The following ADAMTS7 variants were observed in gnomAD, a reference collection of about 807,000 sequenced individuals.
ADAMTS7 encodes A disintegrin and metalloproteinase with thrombospondin motifs 7.
A neutral mutation model predicts 172.6 loss-of-function variants in ADAMTS7; 89 were observed. The ratio of observed to expected loss-of-function variants is 0.52; its 90% CI spans 0.43 to 0.61. The LOEUF (loss-of-function observed/expected upper bound fraction) is 0.61. ADAMTS7 is among the 20% of genes least tolerant of loss of function. ADAMTS7 has a pLI of 0.00. For missense variants in ADAMTS7, 1,973 were observed against 2,355.6 expected, an observed-to-expected ratio of 0.84 and a Z score of 3.36; for synonymous variants, 885 against 978.4, an observed-to-expected ratio of 0.90 and a Z score of 1.78.
Position 78,767,185 on chromosome 15 carries a change from C to G in ADAMTS7, c.2860-134G>C, listed in dbSNP as rs997471501. On this transcript the variant is annotated intron_variant, in intron 18 of 23. Coordinates refer to ENST00000388820, the MANE Select transcript of ADAMTS7 (RefSeq NM_014272.5). The stretch of plus-strand genomic sequence containing the variant: ...CCCCAGCCAGCCCTCTCTGGCCCTT[C>G]CCAGCTCAAGGCCATGACTGTGGCC... 5.2e-6 allele frequency: 6 copies of G among 1,154,290 alleles called. No individual in the cohort carries two copies. In the Admixed American group the frequency reaches 1.3e-4, roughly 26 times the overall value. 71.5% of individuals were successfully genotyped at this position (1,154,290 alleles called of 1,614,324 possible).
chr15:78,760,221 C>T (rs1248146788), intron 23 of ADAMTS7, among the ~76,000 whole-genome samples: 1 of 152,206 alleles, frequency 6.6e-6, no homozygotes, highest in Non-Finnish European at 1.5e-5. Flanking sequence ...AGGCCAGCTG[C>T]AGGCTGTGCT....
In ADAMTS7 at chr15:78,759,545, C is replaced by T; in HGVS notation, c.4937G>A (p.Cys1646Tyr). ...CERDRLSFGFCETLRLLGRCQ... is the reference protein window; with the variant it reads ...CERDRLSFGFYETLRLLGRCQ... Reference sequence around the variant, plus strand: ...GCGGCCCAGTAGGCGCAGCGTCTCGCAGAACCCGAAGGACAGGCGGTCCCG... The same window carrying T: ...GCGGCCCAGTAGGCGCAGCGTCTCGTAGAACCCGAAGGACAGGCGGTCCCG... Residue 1646 changes from cysteine to tyrosine, a missense_variant, in exon 24 of 24, where the codon TGC becomes TAC. Physicochemically the swap from Cys to Tyr is radical, Grantham distance 194 (BLOSUM62 -2). This residue lies in a region of ADAMTS7 where 94 missense variants were observed against 95.4 expected (regional missense o/e 0.99). Transcript: ENST00000388820. 6.3e-7 allele frequency: 1 copy of T among 1,594,922 alleles called. No individual in the cohort carries two copies. Among genetic ancestry groups the T allele is most frequent in the Non-Finnish European group, 8.5e-7 (1 of 1,176,210 alleles).
chr15:78,774,402 C>T lies in ADAMTS7; in HGVS notation c.1877-102G>A, dbSNP rs563578765. ...ACACACATCCATGGCAGGCTGGAGGCTCCCAAGCAGCACCAACATGCTGGA... is the reference window on the plus strand; with the variant it reads ...ACACACATCCATGGCAGGCTGGAGGTTCCCAAGCAGCACCAACATGCTGGA... On this transcript the variant is annotated intron_variant, in intron 12 of 23. Coordinates refer to ENST00000388820, the MANE Select transcript of ADAMTS7 (RefSeq NM_014272.5). 257 of 1,438,234 alleles carry T rather than the reference C, an allele frequency of 1.8e-4. No homozygotes were observed. In the African/African-American group the frequency reaches 3.3e-3, roughly 19 times the overall value. The allele number at this position is 1,438,234 out of a possible 1,614,324, so 89.1% of individuals were successfully genotyped here.
chr15:78,773,173 C>T lies in ADAMTS7; in HGVS notation c.2041G>A (p.Gly681Ser), dbSNP rs778220839. 4.8e-5 allele frequency: 72 copies of T among 1,494,352 alleles called. No individual in the cohort carries two copies. The highest frequency in any genetic ancestry group is 1.9e-4 in the Middle Eastern group (1 of 5,394). The allele number at this position is 1,494,352 out of a possible 1,614,324, so 92.6% of individuals were successfully genotyped here. The change falls in exon 14 of 24, where the codon GGT becomes AGT. Residue 681 changes from glycine to serine, a missense_variant. By Grantham distance (56) the Gly-to-Ser change is moderately conservative. This residue lies in a region of ADAMTS7 where 13 missense variants were observed against 43.9 expected (regional missense o/e 0.30). Coordinates refer to ENST00000388820, the MANE Select transcript of ADAMTS7 (RefSeq NM_014272.5). ...ACACCACAGCGGTCCTCCATAGCAC[C>T]GGAGTCAATCTCGAAGTCACAGCCC... ...NVGCDFEIDS[G>S]AMEDRCGVCH...
At chr15:78,802,795 G>C (rs2055743136) in intron 1 of ADAMTS7, among the ~76,000 whole-genome samples, 1 of 152,136 alleles carries the variant, frequency 6.6e-6, no homozygotes, top group African/African-American at 2.4e-5. Flanking sequence ...TCAGGAGTTT[G>C]ATACCAGCCT....
intron 1 of ADAMTS7, among the ~76,000 whole-genome samples, chr15:78,803,524 C>T (rs1012647369): frequency 4.7e-5 from 7 of 150,180 alleles, no homozygotes; most frequent in African/African-American, 1.7e-4. Context: ...TCAATCTTGG[C>T]TCACTGCAAC....
Position 78,789,690 on chromosome 15 carries a change from T to G in ADAMTS7, c.1177A>C (p.Ser393Arg), listed in dbSNP as rs143018213. ...TAGCAATGGGGGCAGGCACAGTACC[T>G]GTGCCCGAGCTCGTGGGCTACAGTG... ...AFTVAHELGH[S>R]FGIQHDGSGN... Residue 393 changes from serine to arginine, a missense_variant and splice_region_variant, in exon 7 of 24, where the codon AGT becomes CGT. This residue lies in a region of ADAMTS7 where 526 missense variants were observed against 662.9 expected (regional missense o/e 0.79). Coordinates refer to ENST00000388820, the MANE Select transcript of ADAMTS7 (RefSeq NM_014272.5). The G allele has an allele frequency of 6.2e-7, 1 of 1,613,712 alleles. No individual in the cohort carries two copies. The highest frequency in any genetic ancestry group is 2.2e-5 in the East Asian group (1 of 44,872).
chr15:78,793,290 T>C (rs187720697), intron 4 of ADAMTS7, among the ~76,000 whole-genome samples: 1 of 152,232 alleles, frequency 6.6e-6, no homozygotes, highest in East Asian at 1.9e-4. Context: ...CTGTTGGGGA[T>C]TCTCAATGCA....
At chr15:78,764,170 T>C in intron 20 of ADAMTS7, 71 bp from the exon 21 acceptor site, 1 of 1,390,324 alleles carries the variant, frequency 7.2e-7, no homozygotes, top group Non-Finnish European at 9.4e-7. Context: ...GTGAGGTGTG[T>C]GGCGGGAAAG....
At chr15:78,779,928 C>T (rs1261246079) in intron 8 of ADAMTS7, among the ~76,000 whole-genome samples, 6 of 147,954 alleles carry the variant, frequency 4.1e-5, no homozygotes, top group Non-Finnish European at 9.0e-5. Flanking sequence ...TGGGAGAAGT[C>T]GGGAGCATGA....
Position 78,759,556 on chromosome 15 carries a change from G to A in ADAMTS7, c.4926C>T (p.Ser1642=), listed in dbSNP as rs766940319. Residue 1642 remains serine, a synonymous_variant, in exon 24 of 24, where the codon TCC becomes TCT. Transcript: ENST00000388820. ...EPPRCERDRL[S]FGFCETLRLL... is the part of the protein sequence containing the mutation. The stretch of plus-strand genomic sequence containing the variant: ...GGCGCAGCGTCTCGCAGAACCCGAA[G>A]GACAGGCGGTCCCGCTCACAGCCTG... The A allele has an allele frequency of 1.1e-4, 183 of 1,591,904 alleles. 1 individual carries two copies. The highest frequency in any genetic ancestry group is 1.4e-4 in the Non-Finnish European group (167 of 1,174,924).
intron 14 of ADAMTS7, among the ~76,000 whole-genome samples, chr15:78,772,102 T>C (rs1195222113): frequency 3.9e-5 from 6 of 152,184 alleles, no homozygotes; most frequent in South Asian, 2.1e-4. Flanking sequence ...CTCTAAGGGC[T>C]GGCTGGCATC....
In ADAMTS7 at chr15:78,771,224, G is replaced by C. The variant is rs143462516; in HGVS notation, c.2456C>G (p.Pro819Arg). 6.2e-7 allele frequency: 1 copy of C among 1,611,976 alleles called. No homozygotes were observed. The highest frequency in any genetic ancestry group is 8.5e-7 in the Non-Finnish European group (1 of 1,179,634). Residue 819 changes from proline to arginine, a missense_variant, in exon 16 of 24, where the codon CCG becomes CGG. By Grantham distance (103) the Pro-to-Arg change is moderately radical. This residue lies in a region of ADAMTS7 where 771 missense variants were observed against 952.6 expected (regional missense o/e 0.81). Coordinates refer to ENST00000388820, the MANE Select transcript of ADAMTS7 (RefSeq NM_014272.5). This position sits in a 1 kb window ranked among gnomAD's most constrained non-coding sequence, Gnocchi z 4.9. ...ATAATGCCAGGAGAACACGGGCGGC[G>C]GGACCTCGTCGTGGCCACCTGCCTC... ...HREAGGHDEV[P>R]PPVFSWHYGP...
rs536207960 is a variant in ADAMTS7 at position 78,781,107 on chromosome 15, C to T, written c.1323-3519G>A. 3.3e-5 allele frequency among the ~76,000 whole-genome samples: 5 copies of T among 152,362 alleles called. No individual in the cohort carries two copies. In the South Asian group the frequency reaches 1.0e-3, roughly 32 times the overall value. On this transcript the variant is annotated intron_variant, in intron 8 of 23. Coordinates refer to ENST00000388820, the MANE Select transcript of ADAMTS7 (RefSeq NM_014272.5). ...CATCTATATGCAGGAAGCCAAAGGGCTTCAGGACCAGCCAGGATGAGAGGG... is the reference window on the plus strand; with the variant it reads ...CATCTATATGCAGGAAGCCAAAGGGTTTCAGGACCAGCCAGGATGAGAGGG...
At chr15:78,803,228 T>C (rs1201964109) in intron 1 of ADAMTS7, among the ~76,000 whole-genome samples, 1 of 149,890 alleles carries the variant, frequency 6.7e-6, no homozygotes, top group Non-Finnish European at 1.5e-5. Flanking sequence ...GGCAAGGTGG[T>C]GCACACCTAT....
chr15:78,788,096 C>A, intron 8 of ADAMTS7, 135 bp downstream of exon 8: 1 of 1,238,478 alleles, frequency 8.1e-7, no homozygotes, highest in Non-Finnish European at 1.1e-6. Flanking sequence ...CCCCATTAGA[C>A]CTTGACCTCA....
intron 7 of ADAMTS7, among the ~76,000 whole-genome samples, chr15:78,789,397 G>A (rs1187380746): frequency 6.6e-6 from 1 of 152,190 alleles, no homozygotes; most frequent in Non-Finnish European, 1.5e-5. Context: ...AATGGGGAGG[G>A]ACAGCCAAAG....
chr15:78,788,158 ACTGT>A, intron 8 of ADAMTS7, 69 bp downstream of exon 8: 1 of 1,576,030 alleles, frequency 6.3e-7, no homozygotes, highest in Non-Finnish European at 8.6e-7. Context: ...CTGCAGTATG[ACTGT>A]CTGCATCTCT....
chr15:78,779,268 T>C (rs1404926105), intron 8 of ADAMTS7, among the ~76,000 whole-genome samples: 1 of 152,168 alleles, frequency 6.6e-6, no homozygotes, highest in Non-Finnish European at 1.5e-5. Context: ...GCCAGGCTGG[T>C]CCAGGGTGCT....
Sources: gnomAD v4.1 joint callset for allele counts (sites outside exome capture counted in the v4.1 genomes callset) on GRCh38, gnomAD v4.1.1 for gene constraint, gnomAD v4.1.1 regional missense constraint, Gnocchi (gnomAD v3.1) non-coding constraint, MANE v1.5 for transcripts, NCBI Gene and HGNC (gene_info 2026-07-23, HGNC 2026-07-21) for gene names.